RTN1: variants seen among roughly 807,000 people sequenced by gnomAD.
RTN1 encodes the protein reticulon 1.
In RTN1, 25 loss-of-function variants were observed where a neutral mutation model predicts 65.5. That is an observed-to-expected ratio of 0.38 (90% CI 0.28 to 0.53). RTN1 has a LOEUF of 0.53. RTN1 is among the 20% of genes least tolerant of loss of function. RTN1 has a pLI of 0.79. For synonymous variants in RTN1, 471 were observed against 447.6 expected, an observed-to-expected ratio of 1.05 and a Z score of -0.66; for missense variants, 983 against 1,025.4, an observed-to-expected ratio of 0.96 and a Z score of 0.57.
At chr14:59,789,448 T>G (rs1054014843) in intron 1 of RTN1, among the ~76,000 whole-genome samples, 1 of 152,184 alleles carries the variant, frequency 6.6e-6, no homozygotes, top group Admixed American at 6.5e-5. Flanking sequence ...TTAAAATGAT[T>G]AGGTGTTTTT....
intron 3 of RTN1, among the ~76,000 whole-genome samples, chr14:59,633,098 G>A (rs891906112): frequency 2.0e-5 from 3 of 152,138 alleles, no homozygotes; most frequent in Non-Finnish European, 2.9e-5. Flanking sequence ...GTGAGACCCC[G>A]TCTAAAAGCT....
chr14:59,659,100 A>G (rs1883186696), intron 3 of RTN1, among the ~76,000 whole-genome samples: 1 of 152,150 alleles, frequency 6.6e-6, no homozygotes. Context: ...ACAAGTATCA[A>G]TAGCCAAACT....
chr14:59,749,639 CTATATATATTTATATAGATATCTA>C (rs1885380644), intron 1 of RTN1, among the ~76,000 whole-genome samples: 6 of 32,592 alleles, frequency 1.8e-4, no homozygotes, highest in East Asian at 8.3e-4. Context: ...ATATAGATAT[CTATATATATTTATATAGATATCTA>C]TATATATTTA....
At chr14:59,657,589 G>C (rs558123239) in intron 3 of RTN1, among the ~76,000 whole-genome samples, 1 of 152,308 alleles carries the variant, frequency 6.6e-6, no homozygotes, top group African/African-American at 2.4e-5. Context: ...GCAGCCCATG[G>C]AGAGAGAGCA....
intron 2 of RTN1, among the ~76,000 whole-genome samples, chr14:59,735,489 A>T (rs1383116038): frequency 1.3e-5 from 2 of 152,306 alleles, no homozygotes; most frequent in Middle Eastern, 3.4e-3. Context: ...TCTTCAAGAG[A>T]CCCATCTCAC....
chr14:59,847,621 C>A (rs1317434408), intron 1 of RTN1, among the ~76,000 whole-genome samples: 1 of 152,178 alleles, frequency 6.6e-6, no homozygotes, highest in Non-Finnish European at 1.5e-5. Flanking sequence ...AAACAATTAT[C>A]TGCTTTCTAT....
At chr14:59,801,262 C>A (rs1458759321) in intron 1 of RTN1, among the ~76,000 whole-genome samples, 3 of 152,060 alleles carry the variant, frequency 2.0e-5, no homozygotes, top group Non-Finnish European at 4.4e-5. Context: ...AGACTCCAAG[C>A]AGGTAAAACA....
intron 1 of RTN1, among the ~76,000 whole-genome samples, chr14:59,750,157 A>AG (rs1566713213): frequency 5.7e-5 from 3 of 52,540 alleles, no homozygotes; most frequent in East Asian, 1.0e-3. Flanking sequence ...TATTATAGAT[A>AG]ATATATATTA....
At chr14:59,671,407 C>A (rs1883501643) in intron 3 of RTN1, among the ~76,000 whole-genome samples, 1 of 152,154 alleles carries the variant, frequency 6.6e-6, no homozygotes, top group Admixed American at 6.5e-5. Flanking sequence ...AACTCATATA[C>A]AAACCAAAGA....
chr14:59,841,900 G>A (rs1887320271), intron 1 of RTN1, among the ~76,000 whole-genome samples: 4 of 152,074 alleles, frequency 2.6e-5, no homozygotes, highest in Admixed American at 2.6e-4. Flanking sequence ...GCCGAGGCGG[G>A]TAGATCACCT....
chr14:59,741,588 A>G (rs1002566100), intron 2 of RTN1, among the ~76,000 whole-genome samples: 2 of 152,192 alleles, frequency 1.3e-5, no homozygotes, highest in African/African-American at 4.8e-5. Context: ...TAAATAGATG[A>G]AAGAATAAAT....
intron 1 of RTN1, among the ~76,000 whole-genome samples, chr14:59,827,574 G>T (rs1887056320): frequency 6.6e-6 from 1 of 152,262 alleles, no homozygotes; most frequent in African/African-American, 2.4e-5. Context: ...AAACAATAGA[G>T]TCCATAACTC....
intron 1 of RTN1, among the ~76,000 whole-genome samples, chr14:59,869,847 G>C (rs577927903): frequency 2.6e-5 from 4 of 152,168 alleles, no homozygotes; most frequent in Admixed American, 6.5e-5. Flanking sequence ...GGAGGGATGT[G>C]GGGGGAGTAA....
At chr14:59,839,301 AC>A (rs773605303) in intron 1 of RTN1, among the ~76,000 whole-genome samples, 23 of 152,194 alleles carry the variant, frequency 1.5e-4, no homozygotes, top group Non-Finnish European at 2.9e-4. Flanking sequence ...GATTACAGGA[AC>A]CCTATCTTCC....
intron 1 of RTN1, among the ~76,000 whole-genome samples, chr14:59,806,883 T>C (rs1408478271): frequency 6.6e-6 from 1 of 152,254 alleles, no homozygotes; most frequent in Non-Finnish European, 1.5e-5. Flanking sequence ...GGCAATTAGG[T>C]TGGTTCCTTG....
chr14:59,791,517 A>C (rs762108956), intron 1 of RTN1, among the ~76,000 whole-genome samples: 9 of 152,150 alleles, frequency 5.9e-5, no homozygotes, highest in Non-Finnish European at 1.2e-4. Flanking sequence ...CTCAGGGTAA[A>C]ACCAAGGAAA....
intron 4 of RTN1, among the ~76,000 whole-genome samples, chr14:59,606,739 T>C (rs1016777427): frequency 6.6e-6 from 1 of 152,216 alleles, no homozygotes; most frequent in Non-Finnish European, 1.5e-5. Flanking sequence ...TCCTCTTCAA[T>C]GTGCATTCAA....
chr14:59,862,397 G>T (rs1490605891), intron 1 of RTN1, among the ~76,000 whole-genome samples: 2 of 152,050 alleles, frequency 1.3e-5, no homozygotes, highest in African/African-American at 4.8e-5. Context: ...CAATGACCTT[G>T]TCATCCACTC....
chr14:59,765,676 C>T (rs10138713), intron 1 of RTN1, among the ~76,000 whole-genome samples: 13,348 of 151,904 alleles, frequency 0.088, 1,815 homozygotes, highest in African/African-American at 0.29. Context: ...TTTTATAAAA[C>T]GTAAGCAGAA....
Sources: allele counts gnomAD v4.1 joint callset (sites outside exome capture counted in the v4.1 genomes callset), GRCh38; gene constraint gnomAD v4.1.1; transcripts MANE v1.5; gene names NCBI Gene and HGNC (gene_info 2026-07-23, HGNC 2026-07-21).